The following ANGPT1 variants were observed in gnomAD, a reference collection of about 807,000 sequenced individuals.
ANGPT1 encodes angiopoietin-1.
A neutral mutation model predicts 62.2 loss-of-function variants in ANGPT1; 17 were observed. The observed-to-expected ratio is 0.27, with a 90% CI of 0.19 to 0.41. The LOEUF (loss-of-function observed/expected upper bound fraction) is 0.41. ANGPT1 is among the 10% of genes least tolerant of loss of function. ANGPT1 has a pLI of 1.00. For synonymous variants in ANGPT1, 199 were observed against 198.9 expected, an observed-to-expected ratio of 1.00 and a Z score of 0.00; for missense variants, 478 against 594.9, an observed-to-expected ratio of 0.80 and a Z score of 2.04.
At chr8:107,273,259 TAGAG>T (rs1038685195) in intron 7 of ANGPT1, among the ~76,000 whole-genome samples, 2 of 152,064 alleles carry the variant, frequency 1.3e-5, no homozygotes, top group African/African-American at 4.8e-5. Context: ...TTGGGGTAGA[TAGAG>T]AGAGGAGAGG....
At chr8:107,436,879 C>T (rs1196451266) in intron 1 of ANGPT1, among the ~76,000 whole-genome samples, 2 of 152,072 alleles carry the variant, frequency 1.3e-5, no homozygotes, top group Non-Finnish European at 2.9e-5. Flanking sequence ...AAATCAACAA[C>T]TTATTTGTAT....
At position 107,257,870 on chromosome 8, in the gene ANGPT1, G is replaced by GTTTTTTTTTTTTTTTTT. The variant is rs750634420; in HGVS notation, c.1337-5856_1337-5855insAAAAAAAAAAAAAAAAA. Among the ~76,000 whole-genome samples the GTTTTTTTTTTTTTTTTT allele has an allele frequency of 1.7e-3, 78 of 45,100 alleles. 6 individuals are homozygous for GTTTTTTTTTTTTTTTTT. The highest frequency in any genetic ancestry group is 2.4e-3 in the Non-Finnish European group (51 of 21,616). The allele number at this position is 45,100 out of a possible 152,430, so 29.6% of individuals were successfully genotyped here. A position where few individuals can be genotyped will look rare whatever the true frequency, so the allele number is the denominator to read the frequency against. ...TATATCCTCTTCAGGCCAAGGACTTGTTTTTGTTTCTTTTTTGTTTGTTTG... is the reference window on the plus strand; with the variant it reads ...TATATCCTCTTCAGGCCAAGGACTTGTTTTTTTTTTTTTTTTTTTTTTGTTTCTTTTTTGTTTGTTTG... On this transcript the variant is annotated intron_variant, in intron 8 of 8. Coordinates refer to ENST00000517746, the MANE Select transcript of ANGPT1 (RefSeq NM_001146.5).
intron 1 of ANGPT1, among the ~76,000 whole-genome samples, chr8:107,432,853 G>C (rs1179773018): frequency 6.6e-6 from 1 of 152,068 alleles, no homozygotes; most frequent in African/African-American, 2.4e-5. Flanking sequence ...TCAGAGAATT[G>C]TCCTGTCTCA....
intron 1 of ANGPT1, among the ~76,000 whole-genome samples, chr8:107,462,899 C>T (rs928742035): frequency 2.6e-5 from 4 of 152,106 alleles, no homozygotes; most frequent in African/African-American, 9.7e-5. Context: ...TGTTTCCCCT[C>T]TCAGTCCCTT....
intron 2 of ANGPT1, among the ~76,000 whole-genome samples, chr8:107,342,999 CTTTTT>C (rs5893847): frequency 8.0e-6 from 1 of 124,772 alleles, no homozygotes; most frequent in African/African-American, 3.2e-5. Context: ...CCATGCCTGG[CTTTTT>C]TTTTTTTTTT....
chr8:107,302,524 C>T (rs987166000), intron 5 of ANGPT1, among the ~76,000 whole-genome samples: 1 of 151,924 alleles, frequency 6.6e-6, no homozygotes, highest in Non-Finnish European at 1.5e-5. Flanking sequence ...CATCATTACA[C>T]TAGAAACTGT....
At chr8:107,377,523 G>A (rs1285116782) in intron 1 of ANGPT1, among the ~76,000 whole-genome samples, 1 of 152,178 alleles carries the variant, frequency 6.6e-6, no homozygotes, top group East Asian at 1.9e-4. Flanking sequence ...CACTGAAGGA[G>A]AAATGTACAG....
At chr8:107,457,767 G>A (rs1811956793) in intron 1 of ANGPT1, among the ~76,000 whole-genome samples, 2 of 150,518 alleles carry the variant, frequency 1.3e-5, no homozygotes, top group Admixed American at 1.3e-4. Context: ...CACTCACTAT[G>A]CCTCCCAAGA....
At chr8:107,342,613 G>A (rs2130141691) in intron 2 of ANGPT1, among the ~76,000 whole-genome samples, 1 of 152,142 alleles carries the variant, frequency 6.6e-6, no homozygotes, top group Non-Finnish European at 1.5e-5. Context: ...TGACCTGTGG[G>A]CCATAGGCTG....
intron 1 of ANGPT1, among the ~76,000 whole-genome samples, chr8:107,472,488 C>T (rs937329933): frequency 1.3e-5 from 2 of 151,992 alleles, no homozygotes; most frequent in Non-Finnish European, 2.9e-5. Flanking sequence ...TATCAACAAA[C>T]CTTATAGGCT....
At chr8:107,326,586 C>A (rs1250297880) in intron 3 of ANGPT1, among the ~76,000 whole-genome samples, 1 of 152,034 alleles carries the variant, frequency 6.6e-6, no homozygotes, top group African/African-American at 2.4e-5. Flanking sequence ...CTAGTATCTA[C>A]TTTGGAAGTC....
At position 107,306,305 on chromosome 8, in the gene ANGPT1, G is replaced by C. The variant is rs564895227; in HGVS notation, c.809-2938C>G. Among the ~76,000 whole-genome samples the C allele has an allele frequency of 6.6e-5, 10 of 152,132 alleles. No individual in the cohort carries two copies. The East Asian group carries it at 1.9e-3, about 29-fold the overall frequency. On this transcript the variant is annotated intron_variant, in intron 4 of 8. Transcript: ENST00000517746. ...GAATTAGCCTCTCCTGGTCAAATTT[G>C]GCTAATTGGCTGGTTTCATTCATTG...
At chr8:107,334,472 A>T (rs1016127402) in intron 3 of ANGPT1, among the ~76,000 whole-genome samples, 6 of 152,170 alleles carry the variant, frequency 3.9e-5, no homozygotes, top group African/African-American at 1.4e-4. Context: ...TATATATAAA[A>T]TGCAGCAAAA....
At chr8:107,262,152 G>A (rs560179499) in intron 8 of ANGPT1, among the ~76,000 whole-genome samples, 19 of 152,174 alleles carry the variant, frequency 1.2e-4, no homozygotes, top group South Asian at 4.2e-4. Flanking sequence ...CCTAGATTGC[G>A]CCATTGCACT....
chr8:107,449,657 C>A (rs1811714836), intron 1 of ANGPT1, among the ~76,000 whole-genome samples: 1 of 152,006 alleles, frequency 6.6e-6, no homozygotes. Flanking sequence ...TGTACCTTAC[C>A]TTGGAATAAC....
At chr8:107,445,347 GAGA>G (rs1180266101) in intron 1 of ANGPT1, among the ~76,000 whole-genome samples, 3 of 152,108 alleles carry the variant, frequency 2.0e-5, no homozygotes, top group Non-Finnish European at 2.9e-5. Context: ...ATACAAAAGT[GAGA>G]AGAAGAAACT....
intron 1 of ANGPT1, among the ~76,000 whole-genome samples, chr8:107,379,241 T>C (rs1174097252): frequency 6.7e-6 from 1 of 149,762 alleles, no homozygotes; most frequent in Non-Finnish European, 1.5e-5. Flanking sequence ...AAGGCAGACA[T>C]TCATCACCTG....
intron 1 of ANGPT1, among the ~76,000 whole-genome samples, chr8:107,409,146 G>C (rs976337172): frequency 3.9e-5 from 6 of 152,158 alleles, no homozygotes; most frequent in African/African-American, 1.4e-4. Context: ...GGCTTCAGAT[G>C]TGGCAAGAAA....
intron 1 of ANGPT1, among the ~76,000 whole-genome samples, chr8:107,487,245 A>G (rs942968275): frequency 9.2e-5 from 14 of 152,044 alleles, no homozygotes; most frequent in Non-Finnish European, 2.9e-5. Context: ...TAAAAACAAT[A>G]ATGGAGGAGA....
Sources: gnomAD v4.1 joint callset for allele counts (sites outside exome capture counted in the v4.1 genomes callset) on GRCh38, gnomAD v4.1.1 for gene constraint, MANE v1.5 for transcripts, NCBI Gene and HGNC (gene_info 2026-07-23, HGNC 2026-07-21) for gene names.